The following ERBB4 variants were observed in gnomAD, a reference collection of about 807,000 sequenced individuals.
ERBB4 encodes erb-b2 receptor tyrosine kinase 4.
A neutral mutation model predicts 158.0 loss-of-function variants in ERBB4; 42 were observed. The observed-to-expected ratio is 0.27, with a 90% confidence interval of 0.21 to 0.34. ERBB4 has a LOEUF of 0.34. ERBB4 is among the 10% of genes least tolerant of loss of function. The probability of loss-of-function intolerance (pLI) is 1.00; values close to 1 mark genes in which losing one functional copy is unlikely to be tolerated. For synonymous variants in ERBB4, 583 were observed against 558.7 expected (o/e 1.04, Z -0.61); for missense variants, 1,333 against 1,624.1 (o/e 0.82, Z 3.08).
At chr2:212,027,394 T>C in intron 2 of ERBB4, among the ~76,000 whole-genome samples, 1 of 152,070 alleles carries the variant, frequency 6.6e-6, no homozygotes, top group East Asian at 1.9e-4. Flanking sequence ...TTTCATAGAA[T>C]TGGAGAGTTT....
At chr2:212,130,437 A>T (rs1189591990) in intron 1 of ERBB4, among the ~76,000 whole-genome samples, 1 of 152,158 alleles carries the variant, frequency 6.6e-6, no homozygotes, top group Non-Finnish European at 1.5e-5. Context: ...CTCATTCAGT[A>T]AAAAAGTAAA....
At chr2:212,004,855 A>G (rs777252002) in intron 2 of ERBB4, among the ~76,000 whole-genome samples, 2 of 152,022 alleles carry the variant, frequency 1.3e-5, no homozygotes, top group Non-Finnish European at 2.9e-5. Flanking sequence ...AAAAATATGT[A>G]TATATAGCTT....
chr2:211,464,324 T>C (rs566250180), intron 20 of ERBB4, among the ~76,000 whole-genome samples: 22 of 152,322 alleles, frequency 1.4e-4, no homozygotes, highest in African/African-American at 5.3e-4. Flanking sequence ...GATGAGGCAC[T>C]GCGTAGAGTT....
At chr2:211,560,817 C>T (rs1357976205) in intron 20 of ERBB4, among the ~76,000 whole-genome samples, 1 of 152,006 alleles carries the variant, frequency 6.6e-6, no homozygotes, top group African/African-American at 2.4e-5. Context: ...CTAAGCTGAG[C>T]TTTTCTGTCA....
chr2:211,525,029 C>T (rs923457985), intron 20 of ERBB4, among the ~76,000 whole-genome samples: 1 of 152,180 alleles, frequency 6.6e-6, no homozygotes, highest in East Asian at 1.9e-4. Context: ...GAGAACTCAC[C>T]ATCCTAGTGG....
chr2:212,274,004 A>G (rs1308889423), intron 1 of ERBB4, among the ~76,000 whole-genome samples: 2 of 151,880 alleles, frequency 1.3e-5, no homozygotes, highest in African/African-American at 4.8e-5. Flanking sequence ...CCTTATTAAT[A>G]ACATCAACAG....
intron 12 of ERBB4, among the ~76,000 whole-genome samples, chr2:211,689,107 C>G (rs763904556): frequency 6.6e-6 from 1 of 152,086 alleles, no homozygotes; most frequent in Non-Finnish European, 1.5e-5. Flanking sequence ...TAATTTTGAA[C>G]CAATAGCAAT....
At chr2:212,165,195 C>T (rs765966531) in intron 1 of ERBB4, among the ~76,000 whole-genome samples, 8 of 151,850 alleles carry the variant, frequency 5.3e-5, no homozygotes, top group Non-Finnish European at 5.9e-5. Context: ...TAAGATGAAA[C>T]TGGTTCAATG....
At chr2:211,436,775 A>C (rs1460684997) in intron 20 of ERBB4, among the ~76,000 whole-genome samples, 1 of 152,214 alleles carries the variant, frequency 6.6e-6, no homozygotes, top group Non-Finnish European at 1.5e-5. Flanking sequence ...ATACAATTTC[A>C]GAATTATTAT....
At chr2:212,409,131 T>G (rs2091429770) in intron 1 of ERBB4, among the ~76,000 whole-genome samples, 2 of 152,126 alleles carry the variant, frequency 1.3e-5, no homozygotes, top group Admixed American at 1.3e-4. Flanking sequence ...GTATCCATTT[T>G]CATGTGCTTG....
chr2:212,374,049 T>TATATCC lies in ERBB4; in HGVS notation c.82+164399_82+164400insGGATAT, dbSNP rs1560148116. Among the ~76,000 whole-genome samples the TATATCC allele has an allele frequency of 8.0e-4, 97 of 121,668 alleles. 3 individuals carry two copies. The highest frequency in any genetic ancestry group is 2.5e-3 in the African/African-American group (90 of 35,954). 79.8% of individuals were successfully genotyped at this position (121,668 alleles called of 152,430 possible). A position where few individuals can be genotyped will look rare whatever the true frequency, so the allele number is the denominator to read the frequency against. On this transcript the variant is annotated intron_variant, in intron 1 of 27. Coordinates refer to ENST00000342788, the MANE Select transcript of ERBB4 (RefSeq NM_005235.3). ...ATATATATATCCATATATATCCATA[T>TATATCC]ATATATATCCATATATATCCATATA...
chr2:211,551,673 T>G (rs1162591692), intron 20 of ERBB4, among the ~76,000 whole-genome samples: 1 of 152,228 alleles, frequency 6.6e-6, no homozygotes, highest in Non-Finnish European at 1.5e-5. Context: ...TTCTATAATT[T>G]GCATATACAT....
At chr2:212,026,462 C>A (rs1330657672) in intron 2 of ERBB4, among the ~76,000 whole-genome samples, 3 of 151,726 alleles carry the variant, frequency 2.0e-5, no homozygotes, top group Non-Finnish European at 4.4e-5. Context: ...AGTGTATGAA[C>A]AAATTCGTCA....
chr2:211,889,414 A>G (rs892993314), intron 3 of ERBB4, among the ~76,000 whole-genome samples: 1 of 147,276 alleles, frequency 6.8e-6, no homozygotes, highest in African/African-American at 2.6e-5. Context: ...ACCATCATCA[A>G]AGACCAAAAG....
chr2:211,505,977 G>T (rs1490902877), intron 20 of ERBB4, among the ~76,000 whole-genome samples: 2 of 120,098 alleles, frequency 1.7e-5, no homozygotes, highest in South Asian at 2.7e-4. Flanking sequence ...AAAAAAAAAA[G>T]TTATAGACAG....
chr2:211,936,418 A>T (rs1262065624), intron 3 of ERBB4, among the ~76,000 whole-genome samples: 1 of 152,088 alleles, frequency 6.6e-6, no homozygotes, highest in Non-Finnish European at 1.5e-5. Flanking sequence ...AAAGTTATGG[A>T]TCACCATTTT....
chr2:211,652,310 T>A (rs1165606267), intron 16 of ERBB4, among the ~76,000 whole-genome samples: 2 of 152,148 alleles, frequency 1.3e-5, no homozygotes, highest in Non-Finnish European at 2.9e-5. Context: ...AATTCCAAAG[T>A]AAATTTAATA....
chr2:212,425,788 T>C (rs1282325984), intron 1 of ERBB4, among the ~76,000 whole-genome samples: 1 of 151,964 alleles, frequency 6.6e-6, no homozygotes, highest in African/African-American at 2.4e-5. Context: ...TCATTCTTTT[T>C]CCTAACATTT....
intron 1 of ERBB4, among the ~76,000 whole-genome samples, chr2:212,286,740 T>C (rs2085991880): frequency 7.6e-6 from 1 of 132,258 alleles, no homozygotes; most frequent in Non-Finnish European, 1.6e-5. Context: ...TAGCTGGGAC[T>C]ATAGGCGGGT....
Sources: gnomAD v4.1 joint callset for allele counts (sites outside exome capture counted in the v4.1 genomes callset) on GRCh38, gnomAD v4.1.1 for gene constraint, MANE v1.5 for transcripts, NCBI Gene and HGNC (gene_info 2026-07-23, HGNC 2026-07-21) for gene names.